The following ELK3 variants were observed in gnomAD, a reference collection of about 807,000 sequenced individuals.
ELK3 encodes the protein ETS transcription factor ELK3, also known as ETS domain-containing protein Elk-3.
In ELK3, 10 loss-of-function variants were observed where a neutral mutation model predicts 28.9. That is an observed-to-expected ratio of 0.35 (90% confidence interval 0.21 to 0.59). ELK3 has a LOEUF of 0.59. Ranked by LOEUF, ELK3 falls within the 20% of genes least tolerant of loss-of-function variation. The pLI, the probability that ELK3 is intolerant of heterozygous loss-of-function variation, is 0.82. For missense variants in ELK3, 463 were observed against 517.3 expected (o/e 0.90, Z 1.02); for synonymous variants, 272 against 243.5 (o/e 1.12, Z -1.09).
intron 2 of ELK3, among the ~76,000 whole-genome samples, chr12:96,231,861 C>T (rs1007836925): frequency 5.9e-5 from 9 of 152,164 alleles, no homozygotes; most frequent in African/African-American, 2.2e-4. Context: ...AGCCATCCAG[C>T]CATCCCTTTG....
At chr12:96,206,108 C>T (rs1242679517) in intron 1 of ELK3, among the ~76,000 whole-genome samples, 5 of 152,090 alleles carry the variant, frequency 3.3e-5, no homozygotes, top group African/African-American at 1.2e-4. Flanking sequence ...CAGAGCTGAA[C>T]CACAAGAACA....
At chr12:96,223,474 C>A in intron 1 of ELK3, 91 bp from the exon 2 acceptor site, 1 of 1,240,312 alleles carries the variant, frequency 8.1e-7, no homozygotes, top group Non-Finnish European at 1.2e-6. Flanking sequence ...GAGGGGACAG[C>A]TGAGTTGCCC....
intron 1 of ELK3, among the ~76,000 whole-genome samples, chr12:96,218,947 C>CA (rs1240868119): frequency 6.6e-6 from 1 of 151,958 alleles, no homozygotes; most frequent in Non-Finnish European, 1.5e-5. Context: ...CGCGCCCGGC[C>CA]AAGATAAGCA....
At position 96,208,988 on chromosome 12, in the gene ELK3, T is replaced by C. The variant is rs372083589; in HGVS notation, c.-3+14283T>C. Among the ~76,000 whole-genome samples the C allele has an allele frequency of 4.0e-3, 602 of 152,310 alleles. 7 individuals carry two copies. Among genetic ancestry groups the C allele is most frequent in the African/African-American group, 0.014 (576 of 41,568 alleles). ...CAGACTTCCCGGTCCCCAGGATCCC[T>C]TGGGGATCCTTCTGAGAGGAAGGGG... is the stretch of plus-strand genomic sequence containing the variant. On this transcript the variant is annotated intron_variant, in intron 1 of 4. Transcript: ENST00000228741.
chr12:96,195,607 G>A (rs1445256817), intron 1 of ELK3, among the ~76,000 whole-genome samples: 1 of 152,198 alleles, frequency 6.6e-6, no homozygotes, highest in East Asian at 1.9e-4. Flanking sequence ...GGCGGCGGGT[G>A]GAGGTGGAAG....
In ELK3 at chr12:96,267,146, C is replaced by T. The variant is rs138930220; in HGVS notation, c.1190C>T (p.Pro397Leu). 5.6e-5 allele frequency: 90 copies of T among 1,613,140 alleles called. No individual in the cohort carries two copies. Among genetic ancestry groups the T allele is most frequent in the Non-Finnish European group, 6.8e-5 (80 of 1,179,690 alleles). The part of the protein sequence containing the change: ...PIPSLDRAAS[P>L]VLLSSNSQKS ...CCCAGTCTGGACAGAGCTGCTTCTC[C>T]AGTACTGCTTTCTTCAAACTCTCAG... The change falls in exon 5 of 5, where the codon CCA becomes CTA. Residue 397 changes from proline to leucine, a missense_variant. Pro to Leu is a moderately conservative substitution (Grantham distance 98). Transcript: ENST00000228741.
At chr12:96,255,448 G>A (rs1013320623) in intron 3 of ELK3, 4 of 152,798 alleles carry the variant, frequency 2.6e-5, no homozygotes, top group Non-Finnish European at 4.4e-5. Context: ...CTATGGGCTG[G>A]GCTGGGTGGT....
chr12:96,209,495 G>A (rs778997321), intron 1 of ELK3, among the ~76,000 whole-genome samples: 4 of 152,122 alleles, frequency 2.6e-5, no homozygotes, highest in Non-Finnish European at 5.9e-5. Context: ...CATTGCACTG[G>A]GTAAATACTT....
intron 1 of ELK3, among the ~76,000 whole-genome samples, chr12:96,204,154 G>A (rs886164245): frequency 2.6e-5 from 4 of 152,116 alleles, no homozygotes; most frequent in African/African-American, 9.7e-5. Context: ...TATGTTGAAA[G>A]AATCTCAATG....
intron 2 of ELK3, among the ~76,000 whole-genome samples, chr12:96,236,521 C>CA (rs1951784840): frequency 6.6e-6 from 1 of 152,218 alleles, no homozygotes. Context: ...TGTTCAGAGA[C>CA]AGAGTTCCAG....
rs1951720169 is a variant in ELK3 at position 96,228,442 on chromosome 12, AAAG to A, written c.207+4674_207+4676del. ...AAAAAAAAAAAAAAAAAAAAAAAAA[AAAG>A]AAGATCAAAACCTTTGTTGCTACGT... is the stretch of plus-strand genomic sequence containing the variant. On this transcript the variant is annotated intron_variant, in intron 2 of 4. Transcript: ENST00000228741. Among the ~76,000 whole-genome samples, 4 of 142,632 alleles carry A rather than the reference AAAG, an allele frequency of 2.8e-5. No homozygotes were observed. The South Asian group carries it at 6.8e-4, about 24-fold the overall frequency. 93.6% of individuals were successfully genotyped at this position (142,632 alleles called of 152,430 possible).
chr12:96,259,746 C>T lies in ELK3; in HGVS notation c.1018C>T (p.Leu340Phe). Residue 340 changes from leucine (L) to phenylalanine (F), a missense_variant, in exon 4 of 5, where the codon CTT becomes TTT. Physicochemically the swap from Leu to Phe is conservative, Grantham distance 22. This residue lies in a region of ELK3 where 408 missense variants were observed against 414.8 expected (regional missense o/e 0.98). Transcript: ENST00000228741. ...TACTTCCCAGACACCAAATGGATTG[C>T]TTCTGACTCCGAGTCCACTGCTCTC... is the stretch of plus-strand genomic sequence containing the variant. ...FFTAQTPNGL[L>F]LTPSPLLSSI... is the part of the protein sequence containing the mutation. 6.2e-7 allele frequency: 1 copy of T among 1,609,820 alleles called. No individual in the cohort carries two copies. The highest frequency in any genetic ancestry group is 8.5e-7 in the Non-Finnish European group (1 of 1,178,298).
chr12:96,260,614 A>G (rs1462550938), intron 4 of ELK3, among the ~76,000 whole-genome samples: 1 of 152,226 alleles, frequency 6.6e-6, no homozygotes, highest in African/African-American at 2.4e-5. Context: ...GTCACTTGCT[A>G]TCATGGAGAA....
intron 2 of ELK3, among the ~76,000 whole-genome samples, chr12:96,239,578 T>C (rs1221964145): frequency 6.6e-6 from 1 of 152,228 alleles, no homozygotes; most frequent in Non-Finnish European, 1.5e-5. Context: ...CTTCTTTCCT[T>C]GTCCTTTCTC....
rs1163360639 is a variant in ELK3 at position 96,247,944 on chromosome 12, G to A, written c.1002+210G>A. Among the ~76,000 whole-genome samples, 5 of 152,220 alleles carry A rather than the reference G, an allele frequency of 3.3e-5. No homozygotes were observed. The highest frequency in any genetic ancestry group is 1.3e-4 in the Admixed American group (2 of 15,286). Reference sequence around the variant, plus strand: ...GGGTTTGGTTTGTCGACTCTAGTGGGATGCTTGATTGGTTTCTTGCTTTTA... The same window carrying A: ...GGGTTTGGTTTGTCGACTCTAGTGGAATGCTTGATTGGTTTCTTGCTTTTA... On this transcript the variant is annotated intron_variant, in intron 3 of 4. Transcript: ENST00000228741. This position sits in a 1 kb window ranked among gnomAD's most constrained non-coding sequence, Gnocchi z 5.5.
Position 96,247,783 on chromosome 12 carries a change from G to GATGACAGGAATGACTCTTAC in ELK3, c.1002+49_1002+50insATGACAGGAATGACTCTTAC. ...AGCCACAGCCAGCTTCAGTGGCTTA[G>GATGACAGGAATGACTCTTAC]CAAAAAAGGAAGAGCAACTAAAGAG... On this transcript the variant is annotated intron_variant, in intron 3 of 4. Coordinates refer to ENST00000228741, the MANE Select transcript of ELK3 (RefSeq NM_005230.4). The surrounding 1 kb of genome is among the most constrained non-coding windows in gnomAD (Gnocchi z 5.5). The GATGACAGGAATGACTCTTAC allele has an allele frequency of 4.1e-6, 6 of 1,461,438 alleles. No individual in the cohort carries two copies. The highest frequency in any genetic ancestry group is 4.5e-6 in the Non-Finnish European group (5 of 1,109,836). The allele number at this position is 1,461,438 out of a possible 1,614,324, so 90.5% of individuals were successfully genotyped here. A position where few individuals can be genotyped will look rare whatever the true frequency, so the allele number is the denominator to read the frequency against.
chr12:96,264,964 C>CTT (rs1311954026), intron 4 of ELK3, among the ~76,000 whole-genome samples: 3 of 152,154 alleles, frequency 2.0e-5, no homozygotes, highest in Admixed American at 1.3e-4. Context: ...ATAACACACT[C>CTT]GTAAGTGGTG....
intron 1 of ELK3, chr12:96,212,925 G>A (rs34234670): frequency 0.027 from 4,134 of 152,276 alleles, 76 homozygotes; most frequent in South Asian, 0.041. Context: ...GGAAGAGTCT[G>A]TGAAGTCAGA....
At chr12:96,218,859 G>A (rs113361485) in intron 1 of ELK3, among the ~76,000 whole-genome samples, 6,566 of 152,022 alleles carry the variant, frequency 0.043, 225 homozygotes, top group Non-Finnish European at 0.062. Flanking sequence ...TGTGTTAGCC[G>A]GGATGGTCTC....
Sources: gnomAD v4.1 joint callset for allele counts (sites outside exome capture counted in the v4.1 genomes callset) on GRCh38, gnomAD v4.1.1 for gene constraint, gnomAD v4.1.1 regional missense constraint, Gnocchi (gnomAD v3.1) non-coding constraint, MANE v1.5 for transcripts, NCBI Gene and HGNC (gene_info 2026-07-23, HGNC 2026-07-21) for gene names.